Variants in AFF2 observed in about 807,000 individuals in gnomAD.
AFF2 encodes ALF transcription elongation factor 2.
AFF2 carries 14 observed loss-of-function variants against 76.9 expected under a neutral mutation model. The ratio of observed to expected loss-of-function variants is 0.18; its 90% CI spans 0.12 to 0.28. The LOEUF (loss-of-function observed/expected upper bound fraction) is 0.28, where lower values mean the gene tolerates loss of function less well. Ranked by LOEUF, AFF2 falls within the 10% of genes least tolerant of loss-of-function variation. AFF2 has a pLI of 1.00. For missense variants in AFF2, 868 were observed against 1,001.1 expected (o/e 0.87, Z 1.79); for synonymous variants, 398 against 366.7 (o/e 1.09, Z -0.98).
chrX:148,777,642 GCTCT>G (rs1300936430), intron 3 of AFF2, among the ~76,000 whole-genome samples: 1 of 111,609 alleles, frequency 9.0e-6, no homozygotes, highest in African/African-American at 3.3e-5. Context: ...TCATGATTTG[GCTCT>G]CTGTTTGTCG....
intron 1 of AFF2, among the ~76,000 whole-genome samples, chrX:148,514,539 C>T (rs782198362): frequency 5.3e-5 from 6 of 112,398 alleles, no homozygotes; most frequent in Non-Finnish European, 1.1e-4. Context: ...TGGTGTTGAC[C>T]GTTGGAGGCA....
chrX:148,866,403 A>G (rs1396652540), intron 7 of AFF2, among the ~76,000 whole-genome samples: 2 of 112,670 alleles, frequency 1.8e-5, no homozygotes, highest in Admixed American at 9.4e-5. Flanking sequence ...AAAACAATCT[A>G]AGCACATTAT....
chrX:148,512,114 A>C (rs1557233199), intron 1 of AFF2, among the ~76,000 whole-genome samples: 1 of 111,747 alleles, frequency 8.9e-6, no homozygotes, highest in African/African-American at 3.3e-5. Flanking sequence ...ATAATCAGAA[A>C]TGAAACTTAT....
chrX:148,787,042 G>A (rs1190998211), intron 3 of AFF2, among the ~76,000 whole-genome samples: 3 of 112,350 alleles, frequency 2.7e-5, no homozygotes, highest in Non-Finnish European at 5.6e-5. Flanking sequence ...TAGATGCTCA[G>A]TAAAGTTAGT....
At chrX:148,562,826 T>C (rs1170005695) in intron 1 of AFF2, among the ~76,000 whole-genome samples, 1 of 111,895 alleles carries the variant, frequency 8.9e-6, no homozygotes, top group African/African-American at 3.3e-5. Context: ...TACTGGGGGC[T>C]CAGTGGGGAA....
At chrX:148,857,038 G>A (rs1279843939) in intron 7 of AFF2, among the ~76,000 whole-genome samples, 2 of 111,738 alleles carry the variant, frequency 1.8e-5, no homozygotes, top group Non-Finnish European at 3.8e-5. Context: ...TAACCCTTGA[G>A]AATTAACCTT....
At chrX:148,565,046 G>C (rs781937967) in intron 1 of AFF2, among the ~76,000 whole-genome samples, 1 of 111,830 alleles carries the variant, frequency 8.9e-6, no homozygotes, top group Non-Finnish European at 1.9e-5. Context: ...AAATTAAGAA[G>C]AAAGAGTATG....
At chrX:148,523,823 T>A (rs1284955174) in intron 1 of AFF2, among the ~76,000 whole-genome samples, 1 of 111,711 alleles carries the variant, frequency 9.0e-6, no homozygotes, top group East Asian at 2.8e-4. Context: ...TTGGATCCAG[T>A]TCCTCCAGAT....
chrX:148,933,464 A>G (rs2071737242), intron 9 of AFF2, among the ~76,000 whole-genome samples: 2 of 111,702 alleles, frequency 1.8e-5, no homozygotes, highest in Admixed American at 1.9e-4. Context: ...GGACTATGGG[A>G]AGGGAGCAGG....
intron 1 of AFF2, among the ~76,000 whole-genome samples, chrX:148,540,407 CTT>C (rs113746311): frequency 0.27 from 25,283 of 93,899 alleles, 2,787 homozygotes; most frequent in Non-Finnish European, 0.32. Context: ...AAAAAGTGAC[CTT>C]TTTTTTTTTT....
At chrX:148,947,941 A>G (rs2071919848) in intron 9 of AFF2, among the ~76,000 whole-genome samples, 1 of 112,366 alleles carries the variant, frequency 8.9e-6, no homozygotes, top group Non-Finnish European at 1.9e-5. Flanking sequence ...TCTCCCATTA[A>G]ACATGTCTTG....
At chrX:148,635,530 T>A (rs1172308141) in intron 1 of AFF2, among the ~76,000 whole-genome samples, 4 of 112,165 alleles carry the variant, frequency 3.6e-5, no homozygotes, top group Non-Finnish European at 5.6e-5. Flanking sequence ...AATTTGTTAC[T>A]ATGAAACTGA....
At chrX:148,844,045 G>A (rs2070636077) in intron 7 of AFF2, among the ~76,000 whole-genome samples, 1 of 111,860 alleles carries the variant, frequency 8.9e-6, no homozygotes, top group Non-Finnish European at 1.9e-5. Context: ...TCAATACCTG[G>A]GATACGAAAA....
intron 4 of AFF2, among the ~76,000 whole-genome samples, chrX:148,817,251 A>T (rs1274367465): frequency 8.9e-6 from 1 of 111,999 alleles, no homozygotes; most frequent in East Asian, 2.8e-4. Context: ...CCATCAAGAA[A>T]AAAGGGAAAA....
chrX:148,790,049 C>T (rs2069871971), intron 3 of AFF2, among the ~76,000 whole-genome samples: 1 of 111,766 alleles, frequency 8.9e-6, no homozygotes, highest in Non-Finnish European at 1.9e-5. Flanking sequence ...CAACTTAGCA[C>T]TCTGAAAACA....
intron 9 of AFF2, among the ~76,000 whole-genome samples, chrX:148,912,954 C>T (rs969908770): frequency 8.8e-6 from 1 of 113,112 alleles, no homozygotes; most frequent in East Asian, 2.8e-4. Flanking sequence ...TAGTCAATCT[C>T]TAACTGGCTC....
At chrX:148,773,855 G>A (rs2069634980) in intron 3 of AFF2, among the ~76,000 whole-genome samples, 2 of 111,107 alleles carry the variant, frequency 1.8e-5, no homozygotes, top group Non-Finnish European at 3.8e-5. Context: ...TTCCAAATGT[G>A]CAGGAAACTG....
intron 3 of AFF2, among the ~76,000 whole-genome samples, chrX:148,756,587 A>G (rs2055563566): frequency 8.9e-6 from 1 of 112,755 alleles, no homozygotes. Flanking sequence ...CAGTAGTAGT[A>G]CATTTGAATC....
intron 1 of AFF2, chrX:148,547,261 C>T (rs113627014): frequency 1.2e-4 from 12 of 98,233 alleles, no homozygotes; most frequent in African/African-American, 4.4e-4. Context: ...TTGAACATGA[C>T]GGGAATTCAA....
Sources: gnomAD v4.1 joint callset for allele counts (sites outside exome capture counted in the v4.1 genomes callset) on GRCh38, gnomAD v4.1.1 for gene constraint, MANE v1.5 for transcripts, NCBI Gene and HGNC (gene_info 2026-07-23, HGNC 2026-07-21) for gene names.